Variants in ZNF674 observed in about 807,000 individuals in gnomAD.
ZNF674 encodes the protein zinc finger protein 674.
ZNF674 carries 2 observed loss-of-function variants against 7.0 expected under a neutral mutation model. The observed-to-expected ratio is 0.29, with a 90% confidence interval of 0.12 to 0.90. The LOEUF (loss-of-function observed/expected upper bound fraction) is 0.90. Ranked by LOEUF, ZNF674 falls within the 40% of genes least tolerant of loss-of-function variation. The probability of loss-of-function intolerance (pLI) is 0.57; values close to 1 mark genes in which losing one functional copy is unlikely to be tolerated. For missense variants in ZNF674, 297 were observed against 415.5 expected (o/e 0.71, Z 2.48); for synonymous variants, 103 against 145.2 (o/e 0.71, Z 2.09).
intron 3 of ZNF674, chrX:46,529,229 A>G (rs367650470): frequency 6.5e-6 from 2 of 307,873 alleles, no homozygotes. Flanking sequence ...AGCATATTAC[A>G]TAGAGTATAT....
At chrX:46,510,801 CAAAAA>C (rs1357599073) in intron 5 of ZNF674, among the ~76,000 whole-genome samples, 1 of 111,079 alleles carries the variant, frequency 9.0e-6, no homozygotes, top group African/African-American at 3.3e-5. Context: ...AAAACAAAAA[CAAAAA>C]CAAAACAAAA....
chrX:46,507,202 A>G (rs186259075), intron 5 of ZNF674, among the ~76,000 whole-genome samples: 14 of 110,932 alleles, frequency 1.3e-4, no homozygotes, highest in Non-Finnish European at 2.5e-4. Context: ...AACTTAAAAA[A>G]TTAGCTGAGT....
intron 5 of ZNF674, among the ~76,000 whole-genome samples, chrX:46,503,960 G>A (rs1941479517): frequency 9.0e-6 from 1 of 110,745 alleles, no homozygotes; most frequent in African/African-American, 3.3e-5. Flanking sequence ...GACTGCTTGA[G>A]CCCAGGAGGT....
At chrX:46,529,981 T>C (rs921382573) in intron 3 of ZNF674, among the ~76,000 whole-genome samples, 7 of 111,586 alleles carry the variant, frequency 6.3e-5, no homozygotes, top group Non-Finnish European at 1.1e-4. Flanking sequence ...AAGCCAGAGG[T>C]TTGTGGCCTG....
chrX:46,505,423 T>G (rs1340387459), intron 5 of ZNF674, among the ~76,000 whole-genome samples: 3 of 111,515 alleles, frequency 2.7e-5, no homozygotes, highest in Non-Finnish European at 5.6e-5. Flanking sequence ...AATCAATCAT[T>G]TCACGACTTT....
At chrX:46,526,696 C>T (rs762110060) in intron 5 of ZNF674, among the ~76,000 whole-genome samples, 1 of 111,631 alleles carries the variant, frequency 9.0e-6, no homozygotes, top group East Asian at 2.8e-4. Flanking sequence ...CCCCCTGACC[C>T]TCACCTCATG....
At chrX:46,535,981 G>A (rs756137610) in intron 3 of ZNF674, among the ~76,000 whole-genome samples, 9 of 111,998 alleles carry the variant, frequency 8.0e-5, no homozygotes, top group Admixed American at 9.6e-5. Context: ...TGCTGATGAA[G>A]AGTATTAGAA....
At chrX:46,502,843 TG>T (rs1941461524) in intron 5 of ZNF674, among the ~76,000 whole-genome samples, 1 of 112,472 alleles carries the variant, frequency 8.9e-6, no homozygotes, top group African/African-American at 3.2e-5. Flanking sequence ...ATAATCCAGT[TG>T]TTTATCATTA....
chrX:46,510,653 T>C (rs976183541), intron 5 of ZNF674, among the ~76,000 whole-genome samples: 1 of 111,474 alleles, frequency 9.0e-6, no homozygotes, highest in African/African-American at 3.3e-5. Context: ...TAGCCAGGCA[T>C]GGTGGTGGAT....
Position 46,537,293 on chromosome X carries a change from A to G in ZNF674, c.15+4780T>C, listed in dbSNP as rs191809577. Among the ~76,000 whole-genome samples, 4 of 109,836 alleles carry G rather than the reference A, an allele frequency of 3.6e-5. No homozygotes were observed. In the East Asian group the frequency reaches 1.1e-3, roughly 31 times the overall value. Reference sequence around the variant, plus strand: ...AAAAAAAATTGACTCACACATAAGGATGCCTGGGATACTTTTGTCTAAATG... The same window carrying G: ...AAAAAAAATTGACTCACACATAAGGGTGCCTGGGATACTTTTGTCTAAATG... On this transcript the variant is annotated intron_variant, in intron 3 of 5. Transcript: ENST00000683375.
At chrX:46,533,901 A>T (rs1304074856) in intron 3 of ZNF674, among the ~76,000 whole-genome samples, 1 of 103,159 alleles carries the variant, frequency 9.7e-6, no homozygotes, top group Non-Finnish European at 2.0e-5. Flanking sequence ...ACATTAGGAA[A>T]ATCTGGTGGA....
chrX:46,544,315 G>C (rs992280103), intron 2 of ZNF674, among the ~76,000 whole-genome samples, 186 bp downstream of exon 2: 1 of 113,038 alleles, frequency 8.8e-6, no homozygotes, highest in Non-Finnish European at 1.9e-5. Flanking sequence ...CTGCTGTCCC[G>C]TGAGCCTCCT....
At chrX:46,518,853 T>C (rs1941821338) in intron 5 of ZNF674, among the ~76,000 whole-genome samples, 1 of 106,589 alleles carries the variant, frequency 9.4e-6, no homozygotes, top group African/African-American at 3.4e-5. Context: ...ATCACGCCAC[T>C]GCACTCCAGC....
chrX:46,516,825 G>A (rs999588217), intron 5 of ZNF674, among the ~76,000 whole-genome samples: 16 of 111,319 alleles, frequency 1.4e-4, no homozygotes, highest in African/African-American at 2.6e-4. Flanking sequence ...GGCGAAACCC[G>A]TCTCTACTAA....
intron 5 of ZNF674, among the ~76,000 whole-genome samples, chrX:46,504,950 T>C (rs751478909): frequency 2.5e-4 from 27 of 109,959 alleles, no homozygotes; most frequent in Non-Finnish European, 4.6e-4. Context: ...AGTGCAGTGG[T>C]GGGATCTCGG....
Position 46,505,082 on chromosome X carries a change from G to A in ZNF674, c.239-3747C>T, listed in dbSNP as rs970948228. 6.4e-5 allele frequency among the ~76,000 whole-genome samples: 7 copies of A among 109,805 alleles called. 1 individual carries two copies. Among genetic ancestry groups the A allele is most frequent in the African/African-American group, 1.7e-4 (5 of 30,154 alleles). On this transcript the variant is annotated intron_variant, in intron 5 of 5. Transcript: ENST00000683375. ...TTTTTGTATTTTTAGTAGAGACGGG[G>A]TTTCACCGTTTTGGTCAGGCTTGTC...
chrX:46,537,083 C>T (rs1942212893), intron 3 of ZNF674, among the ~76,000 whole-genome samples: 1 of 110,925 alleles, frequency 9.0e-6, no homozygotes, highest in Non-Finnish European at 1.9e-5. Flanking sequence ...CCAGCCTGGC[C>T]AACATGGCAA....
chrX:46,533,829 A>ATATATATAT (rs1556020014), intron 3 of ZNF674, among the ~76,000 whole-genome samples: 2 of 65,569 alleles, frequency 3.1e-5, no homozygotes, highest in African/African-American at 2.0e-4. Flanking sequence ...AAAAAAAAAA[A>ATATATATAT]ATATATATAT....
At chrX:46,529,117 G>A (rs1395712201) in intron 3 of ZNF674, 2 of 659,089 alleles carry the variant, frequency 3.0e-6, no homozygotes, top group Non-Finnish European at 4.5e-6. Context: ...AGGTCACACA[G>A]CCAGGAATGA....
Sources: allele counts gnomAD v4.1 joint callset (sites outside exome capture counted in the v4.1 genomes callset), GRCh38; gene constraint gnomAD v4.1.1; transcripts MANE v1.5; gene names NCBI Gene and HGNC (gene_info 2026-07-23, HGNC 2026-07-21).